Variants in DIAPH2 observed in about 807,000 individuals in gnomAD.
DIAPH2 encodes the protein diaphanous related formin 2.
DIAPH2 carries 35 observed loss-of-function variants against 92.7 expected under a neutral mutation model. That is an observed-to-expected ratio of 0.38 (90% CI 0.29 to 0.50). The LOEUF is 0.50. DIAPH2 is among the 20% of genes least tolerant of loss of function. The probability of loss-of-function intolerance (pLI) is 0.94; values close to 1 mark genes in which losing one functional copy is unlikely to be tolerated. For missense variants in DIAPH2, 701 were observed against 819.5 expected, an observed-to-expected ratio of 0.86 and a Z score of 1.77; for synonymous variants, 301 against 280.4, an observed-to-expected ratio of 1.07 and a Z score of -0.73.
chrX:96,900,505 A>G (rs982711615), intron 5 of DIAPH2, among the ~76,000 whole-genome samples: 4 of 111,120 alleles, frequency 3.6e-5, no homozygotes, highest in African/African-American at 1.3e-4. Context: ...TTCCAGTACT[A>G]TGTTAAATAG....
At chrX:97,445,931 G>A (rs926749471) in intron 26 of DIAPH2, among the ~76,000 whole-genome samples, 1 of 108,861 alleles carries the variant, frequency 9.2e-6, no homozygotes, top group African/African-American at 3.4e-5. Context: ...AACCAAGAGC[G>A]ACGATACACA....
At chrX:96,897,797 C>G (rs2065356572) in intron 5 of DIAPH2, among the ~76,000 whole-genome samples, 1 of 97,915 alleles carries the variant, frequency 1.0e-5, no homozygotes, top group Admixed American at 1.1e-4. Flanking sequence ...CATATGTATA[C>G]ATGTGCCATG....
chrX:96,994,709 G>A (rs1208982454), intron 17 of DIAPH2, among the ~76,000 whole-genome samples: 2 of 111,359 alleles, frequency 1.8e-5, no homozygotes, highest in East Asian at 2.8e-4. Flanking sequence ...GGCAGAAGGT[G>A]AAGGGGAAGC....
Position 97,515,647 on chromosome X carries a change from A to C in DIAPH2, c.3242-83606A>C, listed in dbSNP as rs909810275. ...AATAATAATAAAGTGTGGGGGACTT[A>C]ACAAGGCCTGTGTTTTCTGATTCTT... On this transcript the variant is annotated intron_variant, in intron 26 of 26. Transcript: ENST00000324765. Among the ~76,000 whole-genome samples the C allele has an allele frequency of 2.9e-5, 3 of 102,019 alleles. No individual in the cohort carries two copies. The South Asian group carries it at 1.2e-3, about 40-fold the overall frequency. 88.6% of individuals were successfully genotyped at this position (102,019 alleles called of 115,157 possible).
intron 23 of DIAPH2, among the ~76,000 whole-genome samples, chrX:97,345,863 G>A (rs367911662): frequency 9.0e-6 from 1 of 111,517 alleles, no homozygotes; most frequent in African/African-American, 3.3e-5. Context: ...GCTCCAAAAT[G>A]TTCACAATAC....
At chrX:97,494,097 A>G (rs184874118) in intron 26 of DIAPH2, among the ~76,000 whole-genome samples, 23 of 82,874 alleles carry the variant, frequency 2.8e-4, no homozygotes, top group African/African-American at 6.9e-4. Flanking sequence ...ATTTGTGTGT[A>G]TATATATATA....
chrX:97,344,546 C>A (rs2069139628), intron 23 of DIAPH2, among the ~76,000 whole-genome samples: 1 of 112,338 alleles, frequency 8.9e-6, no homozygotes, highest in Non-Finnish European at 1.9e-5. Context: ...GACATGGTTG[C>A]AATTGTGAAA....
intron 21 of DIAPH2, among the ~76,000 whole-genome samples, chrX:97,118,278 C>A (rs1034720957): frequency 9.0e-6 from 1 of 111,622 alleles, no homozygotes; most frequent in African/African-American, 3.3e-5. Flanking sequence ...TGGGATATAT[C>A]AGCTCCAACC....
At chrX:96,946,396 T>C (rs774718406) in intron 14 of DIAPH2, among the ~76,000 whole-genome samples, 2 of 111,903 alleles carry the variant, frequency 1.8e-5, no homozygotes, top group Admixed American at 1.9e-4. Context: ...GTTTTCAGCC[T>C]TCTCTCAGCA....
At chrX:96,861,888 C>G (rs187914094) in intron 4 of DIAPH2, among the ~76,000 whole-genome samples, 64 of 112,159 alleles carry the variant, frequency 5.7e-4, no homozygotes, top group Middle Eastern at 4.6e-3. Context: ...GTTTCATTCT[C>G]TCTCATCACT....
At chrX:96,983,684 TGAGAGA>T (rs937769478) in intron 17 of DIAPH2, among the ~76,000 whole-genome samples, 1 of 111,078 alleles carries the variant, frequency 9.0e-6, no homozygotes, top group African/African-American at 3.3e-5. Context: ...TAAGGTTTAT[TGAGAGA>T]GAGAGAGAAT....
At chrX:97,476,967 A>AT (rs1221540226) in intron 26 of DIAPH2, among the ~76,000 whole-genome samples, 9,694 of 52,482 alleles carry the variant, frequency 0.18, 2,034 homozygotes, top group Non-Finnish European at 0.25. Flanking sequence ...AAAAAAAAAA[A>AT]AATATATATA....
chrX:96,776,472 A>G (rs768157836), intron 4 of DIAPH2, among the ~76,000 whole-genome samples: 10 of 110,258 alleles, frequency 9.1e-5, no homozygotes, highest in African/African-American at 2.3e-4. Context: ...TGGCCTCCCA[A>G]CGTGCTGGGA....
intron 22 of DIAPH2, among the ~76,000 whole-genome samples, chrX:97,210,448 T>TA (rs1350750886): frequency 8.9e-6 from 1 of 111,795 alleles, no homozygotes; most frequent in Non-Finnish European, 1.9e-5. Flanking sequence ...GTTAAGTACA[T>TA]ACCCGAAGCT....
At chrX:97,383,186 G>A (rs1454926064) in intron 24 of DIAPH2, among the ~76,000 whole-genome samples, 3 of 111,727 alleles carry the variant, frequency 2.7e-5, no homozygotes, top group South Asian at 3.8e-4. Flanking sequence ...ATATGTTTCA[G>A]CATTTCTAAA....
chrX:97,101,577 A>G (rs1041851316), intron 20 of DIAPH2, among the ~76,000 whole-genome samples: 1 of 111,778 alleles, frequency 8.9e-6, no homozygotes, highest in African/African-American at 3.2e-5. Context: ...ATTACCTAAG[A>G]TAGTATCAAT....
intron 19 of DIAPH2, among the ~76,000 whole-genome samples, chrX:97,090,537 C>T (rs1456132675): frequency 9.1e-6 from 1 of 109,497 alleles, no homozygotes; most frequent in Non-Finnish European, 1.9e-5. Context: ...TGGAAAGGGT[C>T]CCCAAAAAGC....
At chrX:96,985,026 A>T (rs770317939) in intron 17 of DIAPH2, among the ~76,000 whole-genome samples, 1 of 111,959 alleles carries the variant, frequency 8.9e-6, no homozygotes, top group African/African-American at 3.2e-5. Context: ...AAGAAAGCTG[A>T]GTTCCCACTC....
intron 26 of DIAPH2, among the ~76,000 whole-genome samples, chrX:97,515,949 T>G (rs926485167): frequency 1.8e-5 from 2 of 111,356 alleles, no homozygotes; most frequent in African/African-American, 3.3e-5. Context: ...CTCATAATAA[T>G]AAACATATAA....
Sources: gnomAD v4.1 joint callset for allele counts (sites outside exome capture counted in the v4.1 genomes callset) on GRCh38, gnomAD v4.1.1 for gene constraint, MANE v1.5 for transcripts, NCBI Gene and HGNC (gene_info 2026-07-23, HGNC 2026-07-21) for gene names.